WWOX: variants seen among roughly 807,000 people sequenced by gnomAD.
WWOX encodes WW domain containing oxidoreductase.
In WWOX, 69 loss-of-function variants were observed where a neutral mutation model predicts 46.2. The ratio of observed to expected loss-of-function variants is 1.49; its 90% confidence interval spans 1.23 to 1.82. The LOEUF (loss-of-function observed/expected upper bound fraction) is 1.82, where lower values mean the gene tolerates loss of function less well. Among genes scored for constraint, WWOX ranks in the 40% most tolerant of loss-of-function variants. The pLI is 0.00. For synonymous variants in WWOX, 359 were observed against 202.6 expected (o/e 1.77, Z -6.56); for missense variants, 919 against 542.6 (o/e 1.69, Z -6.89).
chr16:79,121,450 C>T (rs181884660), intron 8 of WWOX, among the ~76,000 whole-genome samples: 2 of 152,142 alleles, frequency 1.3e-5, no homozygotes, highest in Non-Finnish European at 2.9e-5. Context: ...TTCTAAGGTC[C>T]GATGTCGGTT....
chr16:78,249,282 T>G lies in WWOX; in HGVS notation c.516+84993T>G, dbSNP rs1003205573. Among the ~76,000 whole-genome samples, 10 of 152,348 alleles carry G rather than the reference T, an allele frequency of 6.6e-5. 1 individual carries two copies. The highest frequency in any genetic ancestry group is 3.9e-4 in the East Asian group (2 of 5,176). Reference sequence around the variant, plus strand: ...CCGCCTCCAGAGCTGCAGGCATTAATGCAAAGCTGCACTGCCTCACGAGGT... The same window carrying G: ...CCGCCTCCAGAGCTGCAGGCATTAAGGCAAAGCTGCACTGCCTCACGAGGT... On this transcript the variant is annotated intron_variant, in intron 5 of 8. Coordinates refer to ENST00000566780, the MANE Select transcript of WWOX (RefSeq NM_016373.4).
intron 8 of WWOX, among the ~76,000 whole-genome samples, chr16:79,117,212 T>C (rs1045723116): frequency 2.6e-5 from 4 of 152,118 alleles, no homozygotes; most frequent in African/African-American, 9.7e-5. Context: ...AATTTCACCG[T>C]GTTGCCCAGG....
intron 8 of WWOX, among the ~76,000 whole-genome samples, chr16:78,681,434 C>T (rs1288007705): frequency 5.9e-5 from 9 of 151,558 alleles, no homozygotes; most frequent in African/African-American, 2.2e-4. Flanking sequence ...AATTTTTTTT[C>T]CACATTCATC....
chr16:78,707,887 AAAG>A (rs2048357390), intron 8 of WWOX, among the ~76,000 whole-genome samples: 4 of 137,086 alleles, frequency 2.9e-5, no homozygotes, highest in Admixed American at 7.5e-5. Context: ...ATAAATAAAT[AAAG>A]TATCTGTCCC....
At chr16:78,153,374 C>T (rs185687872) in intron 4 of WWOX, among the ~76,000 whole-genome samples, 19 of 152,216 alleles carry the variant, frequency 1.2e-4, no homozygotes, top group Admixed American at 1.3e-4. Flanking sequence ...GGTCTTCCTA[C>T]TTTTAGGAGG....
chr16:78,330,597 G>T (rs991700718), intron 5 of WWOX, among the ~76,000 whole-genome samples: 8 of 152,142 alleles, frequency 5.3e-5, no homozygotes, highest in South Asian at 4.1e-4. Context: ...AGGTTTCACC[G>T]TGTTGGCCGG....
intron 8 of WWOX, among the ~76,000 whole-genome samples, chr16:78,856,562 G>A (rs2052571690): frequency 1.3e-5 from 2 of 152,090 alleles, no homozygotes; most frequent in Admixed American, 1.3e-4. Flanking sequence ...AGAATCCCTT[G>A]AACCCAGGAG....
intron 5 of WWOX, among the ~76,000 whole-genome samples, chr16:78,371,203 G>C (rs1174721624): frequency 1.3e-5 from 2 of 152,046 alleles, no homozygotes; most frequent in Non-Finnish European, 2.9e-5. Context: ...GCAAATTTTA[G>C]CTGAAGGTGA....
At chr16:79,091,666 A>G (rs775997047) in intron 8 of WWOX, among the ~76,000 whole-genome samples, 1 of 151,932 alleles carries the variant, frequency 6.6e-6, no homozygotes, top group Non-Finnish European at 1.5e-5. Flanking sequence ...ACTCAAGGAT[A>G]TTCTTACCTC....
intron 8 of WWOX, among the ~76,000 whole-genome samples, chr16:79,067,575 C>G (rs1047316807): frequency 1.5e-5 from 2 of 136,672 alleles, no homozygotes; most frequent in African/African-American, 2.8e-5. Context: ...AGTACTAATA[C>G]TTCATGCTCA....
intron 8 of WWOX, among the ~76,000 whole-genome samples, chr16:79,135,163 C>T (rs1162118074): frequency 1.3e-5 from 2 of 152,274 alleles, no homozygotes; most frequent in African/African-American, 4.8e-5. Flanking sequence ...AAAATAACCA[C>T]TGTTGACAGT....
chr16:78,144,576 C>T (rs1393299678), intron 4 of WWOX, among the ~76,000 whole-genome samples: 1 of 133,686 alleles, frequency 7.5e-6, no homozygotes, highest in East Asian at 2.2e-4. Context: ...GGCTGGAGTA[C>T]AGTGGCGCGA....
At chr16:78,721,252 A>G (rs1441404137) in intron 8 of WWOX, among the ~76,000 whole-genome samples, 1 of 72,392 alleles carries the variant, frequency 1.4e-5, no homozygotes, top group African/African-American at 1.5e-4. Context: ...GAAAAAAAGT[A>G]GCTTTCATGA....
intron 8 of WWOX, among the ~76,000 whole-genome samples, chr16:78,787,303 A>G (rs139192684): frequency 9.2e-5 from 14 of 152,248 alleles, no homozygotes; most frequent in Admixed American, 2.6e-4. Flanking sequence ...GAAACACCAT[A>G]TCCATTAAGT....
intron 8 of WWOX, among the ~76,000 whole-genome samples, chr16:78,600,482 C>G (rs928919112): frequency 2.0e-5 from 3 of 152,112 alleles, no homozygotes; most frequent in East Asian, 1.9e-4. Context: ...TTCTTTCCCC[C>G]CAACCCTCCG....
intron 5 of WWOX, among the ~76,000 whole-genome samples, chr16:78,277,878 C>G (rs2079608501): frequency 6.6e-6 from 1 of 152,154 alleles, no homozygotes; most frequent in African/African-American, 2.4e-5. Context: ...TATTACGAAT[C>G]ATAGCACAAC....
intron 8 of WWOX, among the ~76,000 whole-genome samples, chr16:79,073,291 T>C (rs1215111189): frequency 6.6e-6 from 1 of 151,978 alleles, no homozygotes; most frequent in Non-Finnish European, 1.5e-5. Flanking sequence ...GTGGTTCTTC[T>C]GCCTCAGCTT....
chr16:78,723,229 A>G (rs927740081), intron 8 of WWOX, among the ~76,000 whole-genome samples: 2 of 152,102 alleles, frequency 1.3e-5, no homozygotes, highest in African/African-American at 2.4e-5. Context: ...TTTCTTCTTT[A>G]TATTATAAGT....
intron 8 of WWOX, among the ~76,000 whole-genome samples, chr16:78,840,669 A>G (rs1311923816): frequency 6.6e-6 from 1 of 151,818 alleles, no homozygotes; most frequent in Admixed American, 6.6e-5. Flanking sequence ...ATTCTGATTC[A>G]GTAGGTCTAG....
Sources: gnomAD v4.1 joint callset for allele counts (sites outside exome capture counted in the v4.1 genomes callset) on GRCh38, gnomAD v4.1.1 for gene constraint, MANE v1.5 for transcripts, NCBI Gene and HGNC (gene_info 2026-07-23, HGNC 2026-07-21) for gene names.